Variants in PKN2 observed in about 807,000 individuals in gnomAD.
The protein encoded by PKN2 is protein kinase N2, also known as serine/threonine-protein kinase N2.
Under a neutral mutation model 119.1 loss-of-function variants are expected in PKN2, and 38 were observed. The ratio of observed to expected loss-of-function variants is 0.32; its 90% CI spans 0.25 to 0.42. PKN2 has a LOEUF of 0.42. Among genes scored for constraint, PKN2 ranks in the 10% least tolerant of loss-of-function variants. The pLI is 1.00. For missense variants in PKN2, 850 were observed against 1,165.1 expected (o/e 0.73, Z 3.94); for synonymous variants, 390 against 384.9 (o/e 1.01, Z -0.15).
intron 15 of PKN2, among the ~76,000 whole-genome samples, chr1:88,808,709 A>T (rs774581444): frequency 4.6e-5 from 7 of 152,210 alleles, no homozygotes; most frequent in Non-Finnish European, 7.3e-5. Context: ...TTAAATATGG[A>T]CATTATTGTA....
chr1:88,813,274 G>A (rs1420522734), intron 15 of PKN2, among the ~76,000 whole-genome samples: 2 of 151,900 alleles, frequency 1.3e-5, no homozygotes, highest in Non-Finnish European at 2.9e-5. Flanking sequence ...CCTTAATTAA[G>A]CCTTTTAAAA....
chr1:88,743,930 CTT>C (rs1313159442), intron 2 of PKN2, among the ~76,000 whole-genome samples: 10 of 151,750 alleles, frequency 6.6e-5, no homozygotes, highest in African/African-American at 1.9e-4. Context: ...TGAAATATAA[CTT>C]TATACTGTGA....
chr1:88,724,633 A>G (rs376454835), intron 1 of PKN2, among the ~76,000 whole-genome samples: 3 of 150,002 alleles, frequency 2.0e-5, no homozygotes, highest in Admixed American at 6.6e-5. Context: ...GTGCAGTGGC[A>G]TGATCTCTGC....
At chr1:88,709,738 A>G (rs541438288) in intron 1 of PKN2, among the ~76,000 whole-genome samples, 25 of 152,222 alleles carry the variant, frequency 1.6e-4, no homozygotes, top group Non-Finnish European at 3.2e-4. Flanking sequence ...TTATTTATTC[A>G]AATTGTGTAT....
chr1:88,702,842 A>G (rs1433025540), intron 1 of PKN2, among the ~76,000 whole-genome samples: 1 of 152,164 alleles, frequency 6.6e-6, no homozygotes, highest in Non-Finnish European at 1.5e-5. Context: ...AATTTGCAAC[A>G]TTGTGTTTGA....
intron 8 of PKN2, among the ~76,000 whole-genome samples, chr1:88,801,760 A>G (rs1168726259): frequency 1.3e-5 from 2 of 152,234 alleles, no homozygotes; most frequent in African/African-American, 4.8e-5. Context: ...TACTTTCTGC[A>G]GAAAGCGTGC....
chr1:88,779,010 G>A (rs6678471), intron 6 of PKN2, among the ~76,000 whole-genome samples: 16,936 of 152,080 alleles, frequency 0.11, 1,940 homozygotes, highest in African/African-American at 0.3. Flanking sequence ...GGCATGAGCC[G>A]CCGCGCCCAG....
chr1:88,824,441 C>A, intron 18 of PKN2, 55 bp downstream of exon 18: 1 of 986,968 alleles, frequency 1.0e-6, no homozygotes, highest in Non-Finnish European at 1.6e-6. Context: ...TTTCTTTGTG[C>A]ATCAGTAGTT....
At chr1:88,739,482 A>G (rs1668491732) in intron 1 of PKN2, among the ~76,000 whole-genome samples, 1 of 152,230 alleles carries the variant, frequency 6.6e-6, no homozygotes, top group South Asian at 2.1e-4. Context: ...ATGAATGTAG[A>G]AAGTACTTGC....
intron 8 of PKN2, among the ~76,000 whole-genome samples, chr1:88,802,328 ATTTTT>A (rs1038007038): frequency 6.9e-6 from 1 of 144,744 alleles, no homozygotes; most frequent in African/African-American, 2.5e-5. Context: ...ATAAATTTTA[ATTTTT>A]TTTTTTTTTT....
At chr1:88,832,318 G>T (rs1672760475) in intron 19 of PKN2, among the ~76,000 whole-genome samples, 1 of 151,794 alleles carries the variant, frequency 6.6e-6, no homozygotes, top group South Asian at 2.1e-4. Flanking sequence ...CCACAAGATT[G>T]AGGTTCTTCA....
intron 8 of PKN2, among the ~76,000 whole-genome samples, chr1:88,800,168 TTCAGTGTCC>T (rs1671248533): frequency 6.6e-6 from 1 of 152,176 alleles, no homozygotes; most frequent in Non-Finnish European, 1.5e-5. Flanking sequence ...ACTTTCTCAA[TTCAGTGTCC>T]TCAGTGTCCT....
At chr1:88,828,719 A>G in intron 19 of PKN2, 96 bp downstream of exon 19, 1 of 999,856 alleles carries the variant, frequency 1.0e-6, no homozygotes, top group Non-Finnish European at 1.4e-6. Context: ...CTTCAGTATG[A>G]GTGGAATTTA....
At chr1:88,750,679 ACTC>A (rs1286266729) in intron 2 of PKN2, among the ~76,000 whole-genome samples, 1 of 151,540 alleles carries the variant, frequency 6.6e-6, no homozygotes, top group Non-Finnish European at 1.5e-5. Flanking sequence ...CTAAAATTGA[ACTC>A]TTCTTTTCTT....
At chr1:88,697,929 T>G (rs556017014) in intron 1 of PKN2, among the ~76,000 whole-genome samples, 3 of 152,226 alleles carry the variant, frequency 2.0e-5, no homozygotes, top group Non-Finnish European at 4.4e-5. Context: ...TATTATATAT[T>G]GCATTGTACT....
At chr1:88,716,536 A>T (rs1232650165) in intron 1 of PKN2, among the ~76,000 whole-genome samples, 1 of 152,054 alleles carries the variant, frequency 6.6e-6, no homozygotes, top group Non-Finnish European at 1.5e-5. Flanking sequence ...TGATCCCTTT[A>T]CTATTATGTA....
intron 3 of PKN2, among the ~76,000 whole-genome samples, chr1:88,761,169 C>CA (rs951053587): frequency 1.3e-4 from 19 of 151,218 alleles, no homozygotes; most frequent in Non-Finnish European, 2.5e-4. Context: ...TATAATGCAG[C>CA]AAAAAAAATG....
intron 3 of PKN2, among the ~76,000 whole-genome samples, chr1:88,769,959 C>T (rs1175378458): frequency 6.6e-6 from 1 of 152,098 alleles, no homozygotes. Flanking sequence ...TACACATAAA[C>T]ATACACATGA....
intron 1 of PKN2, among the ~76,000 whole-genome samples, chr1:88,701,492 C>T (rs1666767277): frequency 6.6e-6 from 1 of 152,072 alleles, no homozygotes; most frequent in Admixed American, 6.6e-5. Flanking sequence ...TGCTCAAGGC[C>T]AGCTCTATTG....
Sources: allele counts gnomAD v4.1 joint callset (sites outside exome capture counted in the v4.1 genomes callset), GRCh38; gene constraint gnomAD v4.1.1; transcripts MANE v1.5; gene names NCBI Gene and HGNC (gene_info 2026-07-23, HGNC 2026-07-21).